Variants in WDFY4 observed in about 807,000 individuals in gnomAD.
WDFY4 encodes WD repeat- and FYVE domain-containing protein 4.
A neutral mutation model predicts 351.9 loss-of-function variants in WDFY4; 169 were observed. That is an observed-to-expected ratio of 0.48 (90% CI 0.42 to 0.55). The LOEUF (loss-of-function observed/expected upper bound fraction) is 0.55, where lower values mean the gene tolerates loss of function less well. Ranked by LOEUF, WDFY4 falls within the 20% of genes least tolerant of loss-of-function variation. WDFY4 has a pLI of 0.00. For synonymous variants in WDFY4, 1,622 were observed against 1,574.6 expected, an observed-to-expected ratio of 1.03 and a Z score of -0.71; for missense variants, 3,803 against 3,935.6, an observed-to-expected ratio of 0.97 and a Z score of 0.90.
chr10:48,926,245 C>T (rs1816416194), intron 47 of WDFY4, among the ~76,000 whole-genome samples: 1 of 152,204 alleles, frequency 6.6e-6, no homozygotes, highest in African/African-American at 2.4e-5. Context: ...AGGCCACTAG[C>T]CCCTCCATGG....
At position 48,976,888 on chromosome 10, in the gene WDFY4, A is replaced by C; in HGVS notation, c.9200A>C (p.Glu3067Ala). The change falls in exon 59 of 62, where the codon GAA (glutamate) becomes GCA (alanine). Residue 3067 changes from glutamate to alanine, a missense_variant. Physicochemically the swap from Glu to Ala is moderately radical, Grantham distance 107. Transcript: ENST00000325239. ...AGCATCACCACAGCCTGGGGCCCAG[A>C]AGGAGCCATAACCTGCTGCTGCCTG... ...LASITTAWGP[E>A]GAITCCCLME... 6.5e-7 allele frequency: 1 copy of C among 1,542,154 alleles called. No individual in the cohort carries two copies. The highest frequency in any genetic ancestry group is 8.8e-7 in the Non-Finnish European group (1 of 1,141,780).
chr10:48,886,013 C>A (rs191056919), intron 43 of WDFY4, among the ~76,000 whole-genome samples: 1 of 152,206 alleles, frequency 6.6e-6, no homozygotes, highest in African/African-American at 2.4e-5. Flanking sequence ...AAGGTTGAGG[C>A]AAGCAGAGAT....
chr10:48,702,381 G>A (rs886517582), intron 1 of WDFY4, among the ~76,000 whole-genome samples: 2 of 152,092 alleles, frequency 1.3e-5, no homozygotes, highest in South Asian at 2.1e-4. Flanking sequence ...TCCTGCCTTC[G>A]TAGTCATCCC....
rs566733533 is a variant in WDFY4 at position 48,939,352 on chromosome 10, C to T, written c.7587-2454C>T. On this transcript the variant is annotated intron_variant, in intron 47 of 61. Coordinates refer to ENST00000325239, the MANE Select transcript of WDFY4 (RefSeq NM_001394531.1). ...ACCCATGGTCTCACTGGCTCTCCCA[C>T]ACCCCTGTGTGACAGGTGTGGCCAG... 1.7e-4 allele frequency among the ~76,000 whole-genome samples: 26 copies of T among 152,358 alleles called. No individual in the cohort carries two copies. In the South Asian group the frequency reaches 5.4e-3, roughly 32 times the overall value.
At chr10:48,872,529 T>C (rs748680647) in intron 40 of WDFY4, among the ~76,000 whole-genome samples, 16 of 152,258 alleles carry the variant, frequency 1.1e-4, no homozygotes, top group Non-Finnish European at 1.8e-4. Context: ...GTTGTTATGC[T>C]TCTTGTCATT....
intron 12 of WDFY4, among the ~76,000 whole-genome samples, chr10:48,759,720 T>A (rs1214454050): frequency 6.6e-6 from 1 of 152,316 alleles, no homozygotes; most frequent in Non-Finnish European, 1.5e-5. Flanking sequence ...CTTTCCATCA[T>A]GTCTACACCT....
intron 1 of WDFY4, among the ~76,000 whole-genome samples, chr10:48,685,349 G>A (rs1178569509): frequency 6.6e-6 from 1 of 152,232 alleles, no homozygotes; most frequent in African/African-American, 2.4e-5. Context: ...GGAACCCTGG[G>A]AAGGGCTGAC....
At chr10:48,894,467 G>T (rs147474664) in intron 44 of WDFY4, among the ~76,000 whole-genome samples, 38 of 152,324 alleles carry the variant, frequency 2.5e-4, no homozygotes, top group Non-Finnish European at 4.6e-4. Flanking sequence ...CCTTGGAAAA[G>T]TCTCACCTCT....
At chr10:48,925,369 T>C (rs1263661861) in intron 47 of WDFY4, among the ~76,000 whole-genome samples, 1 of 152,080 alleles carries the variant, frequency 6.6e-6, no homozygotes, top group Non-Finnish European at 1.5e-5. Context: ...CCTGTGTATG[T>C]AATGGGTGTG....
chr10:48,971,638 C>T (rs774549306), intron 57 of WDFY4, among the ~76,000 whole-genome samples: 4 of 152,228 alleles, frequency 2.6e-5, no homozygotes, highest in Non-Finnish European at 5.9e-5. Flanking sequence ...CAAGCCACTT[C>T]TGTCACCCTA....
At chr10:48,946,333 C>T (rs1461253352) in intron 50 of WDFY4, among the ~76,000 whole-genome samples, 176 bp downstream of exon 50, 1 of 152,244 alleles carries the variant, frequency 6.6e-6, no homozygotes, top group South Asian at 2.1e-4. Context: ...GATGTCCAGG[C>T]CTCACCTCTA....
At chr10:48,779,698 C>T (rs917310441) in intron 18 of WDFY4, among the ~76,000 whole-genome samples, 4 of 152,218 alleles carry the variant, frequency 2.6e-5, no homozygotes, top group African/African-American at 9.6e-5. Context: ...TGAGCGCCTA[C>T]CTCACAGGGC....
At chr10:48,931,437 C>G (rs1020331892) in intron 47 of WDFY4, among the ~76,000 whole-genome samples, 1 of 152,296 alleles carries the variant, frequency 6.6e-6, no homozygotes, top group South Asian at 2.1e-4. Flanking sequence ...TCAGAGCCAG[C>G]CCACCCTCAG....
rs116364139 is a variant in WDFY4, at chr10:48,914,986, G to A, written c.7586+13123G>A. On this transcript the variant is annotated intron_variant, in intron 47 of 61. Coordinates refer to ENST00000325239, the MANE Select transcript of WDFY4 (RefSeq NM_001394531.1). The stretch of plus-strand genomic sequence containing the variant: ...CTGCACAGAAACTTGATAAATGGCC[G>A]TGACTGCCTCAGTGCAGGGAAGCAG... 3.3e-3 allele frequency among the ~76,000 whole-genome samples: 501 copies of A among 152,248 alleles called. 4 individuals are homozygous for A. The highest frequency in any genetic ancestry group is 0.011 in the African/African-American group (467 of 41,548).
chr10:48,839,765 G>A (rs1483695659), intron 39 of WDFY4, among the ~76,000 whole-genome samples: 1 of 152,232 alleles, frequency 6.6e-6, no homozygotes, highest in African/African-American at 2.4e-5. Context: ...TTTTGAGTAC[G>A]TAATTAAAGA....
chr10:48,730,012 C>G (rs1004657055), intron 8 of WDFY4, among the ~76,000 whole-genome samples: 1 of 152,208 alleles, frequency 6.6e-6, no homozygotes. Flanking sequence ...CCAGTGTGAA[C>G]AGGCCAGTTG....
intron 39 of WDFY4, among the ~76,000 whole-genome samples, chr10:48,866,373 TA>T (rs2069544222): frequency 6.6e-6 from 1 of 152,212 alleles, no homozygotes; most frequent in African/African-American, 2.4e-5. Context: ...AATCTACACT[TA>T]TTTTTGAGTT....
chr10:48,723,224 A>G (rs1481994442), intron 4 of WDFY4, among the ~76,000 whole-genome samples: 1 of 149,346 alleles, frequency 6.7e-6, no homozygotes, highest in Non-Finnish European at 1.5e-5. Flanking sequence ...GGAGCTATAG[A>G]GCACATAGTA....
chr10:48,830,702 C>T lies in WDFY4; in HGVS notation c.6343C>T (p.Gln2115Ter). 2 of 1,550,994 alleles carry T rather than the reference C, an allele frequency of 1.3e-6. No homozygotes were observed. The highest frequency in any genetic ancestry group is 1.7e-6 in the Non-Finnish European group (2 of 1,146,786). The change falls in exon 38 of 62, where the codon CAA becomes TAA. Residue 2115 changes from glutamine to a stop codon, truncating the protein, a stop_gained and splice_region_variant. Coordinates refer to ENST00000325239, the MANE Select transcript of WDFY4 (RefSeq NM_001394531.1). LOFTEE classifies it high-confidence loss of function. Reference protein sequence around the residue: ...REDLPSLSDVQHNIQKTVQTL... With the variant: ...REDLPSLSDV Reference sequence around the variant, plus strand: ...GTGCCATGTGCTCTCTCTGCTAGTCCAACACAACATCCAGAAGACAGTGCA... The same window carrying T: ...GTGCCATGTGCTCTCTCTGCTAGTCTAACACAACATCCAGAAGACAGTGCA...
Sources: gnomAD v4.1 joint callset for allele counts (sites outside exome capture counted in the v4.1 genomes callset) on GRCh38, gnomAD v4.1.1 for gene constraint, MANE v1.5 for transcripts, NCBI Gene and HGNC (gene_info 2026-07-23, HGNC 2026-07-21) for gene names.